Variants in REDIC1 observed in about 807,000 individuals in gnomAD.
REDIC1 encodes the protein HEI10 Interacting Protein 1.
the REDIC1 span, among the ~76,000 whole-genome samples, chr12:39,765,227 T>C: frequency 6.6e-6 from 1 of 152,080 alleles, no homozygotes; most frequent in Admixed American, 6.5e-5. Context: ...CAGAGCCAGA[T>C]ACTTTTCATC....
chr12:39,639,752 T>C, the REDIC1 span, among the ~76,000 whole-genome samples: 1 of 151,986 alleles, frequency 6.6e-6, no homozygotes, highest in Non-Finnish European at 1.5e-5. Context: ...GTGTCTGAAG[T>C]GTCTAGAATG....
the REDIC1 span, chr12:39,626,385 G>T: frequency 3.1e-6 from 5 of 1,613,972 alleles, no homozygotes; most frequent in Non-Finnish European, 4.2e-6. Context: ...GGAGTTTGAG[G>T]CTGGGACATT....
At chr12:39,726,813 T>A in the REDIC1 span, among the ~76,000 whole-genome samples, 1 of 152,198 alleles carries the variant, frequency 6.6e-6, no homozygotes, top group Non-Finnish European at 1.5e-5. Context: ...CTCCATATCC[T>A]CTCCAGCATC....
At chr12:39,789,109 T>C in the REDIC1 span, among the ~76,000 whole-genome samples, 4 of 152,152 alleles carry the variant, frequency 2.6e-5, no homozygotes, top group Admixed American at 2.6e-4. Context: ...GCTTATTAAC[T>C]ATATCATTAT....
At chr12:39,731,754 C>T in the REDIC1 span, among the ~76,000 whole-genome samples, 3 of 151,966 alleles carry the variant, frequency 2.0e-5, no homozygotes, top group Admixed American at 6.6e-5. Flanking sequence ...TGCCTATAGC[C>T]GCCCCTTCCC....
At chr12:39,733,284 T>G in the REDIC1 span, among the ~76,000 whole-genome samples, 7 of 152,334 alleles carry the variant, frequency 4.6e-5, no homozygotes, top group South Asian at 4.1e-4. Flanking sequence ...CTTTTCCTTA[T>G]AAGTCATTTG....
chr12:39,881,077 A>G, the REDIC1 span, among the ~76,000 whole-genome samples: 17 of 152,376 alleles, frequency 1.1e-4, no homozygotes, highest in African/African-American at 4.1e-4. Flanking sequence ...AATGTTACAT[A>G]AAGCAACAAA....
the REDIC1 span, among the ~76,000 whole-genome samples, chr12:39,743,722 G>C: frequency 6.6e-6 from 1 of 152,266 alleles, no homozygotes; most frequent in African/African-American, 2.4e-5. Context: ...TAATAGACTG[G>C]ACGCAGCTCA....
chr12:39,714,737 AT>A, the REDIC1 span, among the ~76,000 whole-genome samples: 129 of 151,504 alleles, frequency 8.5e-4, 1 homozygote, highest in African/African-American at 2.9e-3. Context: ...CAGTTTTTTT[AT>A]TTTTTGATAT....
At chr12:39,770,157 A>T in the REDIC1 span, among the ~76,000 whole-genome samples, 1 of 151,890 alleles carries the variant, frequency 6.6e-6, no homozygotes, top group African/African-American at 2.4e-5. Flanking sequence ...CTATTTTGGG[A>T]CCTATACCCT....
chr12:39,817,728 G>T, the REDIC1 span, among the ~76,000 whole-genome samples: 3 of 152,204 alleles, frequency 2.0e-5, no homozygotes, highest in East Asian at 3.9e-4. Flanking sequence ...TATAGCCAAC[G>T]TATGCAGATG....
At chr12:39,878,021 A>G in the REDIC1 span, among the ~76,000 whole-genome samples, 1 of 152,248 alleles carries the variant, frequency 6.6e-6, no homozygotes, top group Admixed American at 6.5e-5. Context: ...TGCTTTTGCC[A>G]TGTGATGTGT....
At chr12:39,843,562 T>A in the REDIC1 span, among the ~76,000 whole-genome samples, 1 of 152,064 alleles carries the variant, frequency 6.6e-6, no homozygotes, top group South Asian at 2.1e-4. Flanking sequence ...CAATTCCTTA[T>A]ATGAAGTTAG....
the REDIC1 span, among the ~76,000 whole-genome samples, chr12:39,637,732 CT>C: frequency 6.6e-5 from 10 of 152,110 alleles, no homozygotes; most frequent in African/African-American, 2.4e-4. Flanking sequence ...GCAATGACTA[CT>C]AGGGATTCAT....
At chr12:39,761,276 T>G in the REDIC1 span, among the ~76,000 whole-genome samples, 1 of 151,940 alleles carries the variant, frequency 6.6e-6, no homozygotes. Flanking sequence ...AGCTCCTACT[T>G]AAGTGTTGGC....
the REDIC1 span, among the ~76,000 whole-genome samples, chr12:39,712,974 TATATATAC>T: frequency 4.8e-5 from 1 of 20,730 alleles, no homozygotes; most frequent in Non-Finnish European, 1.1e-4. Flanking sequence ...CGTGTATATG[TATATATAC>T]ATGTGTATAT....
At chr12:39,823,352 G>A in the REDIC1 span, among the ~76,000 whole-genome samples, 4 of 151,978 alleles carry the variant, frequency 2.6e-5, no homozygotes, top group Non-Finnish European at 5.9e-5. Flanking sequence ...CATCAATCCT[G>A]TACATGAGTA....
At chr12:39,802,730 T>C in the REDIC1 span, among the ~76,000 whole-genome samples, 30 of 152,140 alleles carry the variant, frequency 2.0e-4, no homozygotes, top group Non-Finnish European at 5.9e-5. Context: ...GATATAAAGA[T>C]ACAGAGATAA....
the REDIC1 span, among the ~76,000 whole-genome samples, chr12:39,719,044 T>C: frequency 6.6e-6 from 1 of 152,148 alleles, no homozygotes; most frequent in Non-Finnish European, 1.5e-5. Context: ...TTCACAAAAG[T>C]ACATTTTCCT....
Sources: gnomAD v4.1 joint callset for allele counts (sites outside exome capture counted in the v4.1 genomes callset) on GRCh38, gnomAD v4.1.1 for gene constraint, MANE v1.5 for transcripts, NCBI Gene and HGNC (gene_info 2026-07-23, HGNC 2026-07-21) for gene names.